EXOC6: variants seen among roughly 807,000 people sequenced by gnomAD.
EXOC6 encodes SEC15-like 1.
In EXOC6, 60 loss-of-function variants were observed where a neutral mutation model predicts 112.5. That is an observed-to-expected ratio of 0.53 (90% CI 0.43 to 0.66). The LOEUF is 0.66. Among genes scored for constraint, EXOC6 ranks in the 30% least tolerant of loss-of-function variants. EXOC6 has a pLI of 0.00. For missense variants in EXOC6, 855 were observed against 957.1 expected (o/e 0.89, Z 1.41); for synonymous variants, 295 against 308.0 (o/e 0.96, Z 0.44).
intron 1 of EXOC6, among the ~76,000 whole-genome samples, chr10:92,888,188 TC>T (rs1488833356): frequency 9.9e-5 from 15 of 152,202 alleles, no homozygotes; most frequent in Non-Finnish European, 4.4e-5. Context: ...TTTACCCCTC[TC>T]AGGCTTTGGT....
At chr10:92,893,181 A>G (rs924799033) in intron 1 of EXOC6, among the ~76,000 whole-genome samples, 168 bp from the exon 2 acceptor site, 1 of 152,102 alleles carries the variant, frequency 6.6e-6, no homozygotes, top group African/African-American at 2.4e-5. Flanking sequence ...TAATATTATC[A>G]TGTTCAAGAA....
chr10:92,958,266 T>C (rs967761988), intron 17 of EXOC6, among the ~76,000 whole-genome samples: 2 of 152,170 alleles, frequency 1.3e-5, no homozygotes, highest in Admixed American at 1.3e-4. Flanking sequence ...AAAATTTGCA[T>C]CAGTATAGAA....
chr10:92,961,279 T>C (rs946027311), intron 17 of EXOC6, among the ~76,000 whole-genome samples: 2 of 152,210 alleles, frequency 1.3e-5, no homozygotes, highest in African/African-American at 4.8e-5. Context: ...GTAAAATTCA[T>C]TTTATTGTGT....
chr10:92,951,803 C>T (rs773695445), intron 14 of EXOC6, among the ~76,000 whole-genome samples: 3 of 152,060 alleles, frequency 2.0e-5, no homozygotes, highest in African/African-American at 4.8e-5. Flanking sequence ...CTAGGAGTTA[C>T]GGAATAAACT....
chr10:92,827,559 G>A (rs909474166), intron 1 of EXOC6, among the ~76,000 whole-genome samples: 1 of 146,588 alleles, frequency 6.8e-6, no homozygotes, highest in Non-Finnish European at 1.5e-5. Context: ...TGTACACCCT[G>A]GGCAGCATTT....
chr10:92,834,940 TC>T (rs1230001972), intron 1 of EXOC6: 2 of 545,794 alleles, frequency 3.7e-6, no homozygotes, highest in African/African-American at 3.8e-5. Flanking sequence ...CAGTTACAGT[TC>T]TGTATATACT....
intron 1 of EXOC6, among the ~76,000 whole-genome samples, chr10:92,856,834 A>G (rs1303049078): frequency 3.3e-5 from 5 of 152,098 alleles, no homozygotes; most frequent in East Asian, 3.8e-4. Flanking sequence ...ATATGTTTAT[A>G]CTTTATATAT....
At chr10:92,880,302 G>A (rs1453952926) in intron 1 of EXOC6, among the ~76,000 whole-genome samples, 1 of 152,110 alleles carries the variant, frequency 6.6e-6, no homozygotes, top group African/African-American at 2.4e-5. Flanking sequence ...GGGAATAATG[G>A]CAAGAACAAA....
At chr10:92,869,246 T>C (rs1848323629) in intron 1 of EXOC6, among the ~76,000 whole-genome samples, 1 of 151,060 alleles carries the variant, frequency 6.6e-6, no homozygotes, top group Non-Finnish European at 1.5e-5. Context: ...TAAGTAATCC[T>C]CCCTCCTTGG....
chr10:92,958,560 G>A (rs190949369), intron 17 of EXOC6, among the ~76,000 whole-genome samples: 6 of 152,278 alleles, frequency 3.9e-5, no homozygotes, highest in Admixed American at 3.9e-4. Flanking sequence ...GTAGTAAATT[G>A]TCTTTAAGGG....
At chr10:92,981,886 G>A (rs1353742864) in intron 18 of EXOC6, among the ~76,000 whole-genome samples, 2 of 152,212 alleles carry the variant, frequency 1.3e-5, no homozygotes, top group Non-Finnish European at 2.9e-5. Context: ...GGGAGGCCGA[G>A]TTGGGCAGAT....
intron 10 of EXOC6, 50 bp from the exon 11 acceptor site, chr10:92,934,260 C>A: frequency 6.5e-7 from 1 of 1,529,068 alleles, no homozygotes; most frequent in East Asian, 2.3e-5. Flanking sequence ...TACTTACTTT[C>A]TATTAGGGTT....
At chr10:92,878,582 A>G (rs575900149) in intron 1 of EXOC6, among the ~76,000 whole-genome samples, 57 of 152,208 alleles carry the variant, frequency 3.7e-4, no homozygotes, top group South Asian at 2.7e-3. Flanking sequence ...CTGGAAGATC[A>G]TACTTTACCA....
At chr10:92,978,494 T>C (rs749900049) in intron 18 of EXOC6, among the ~76,000 whole-genome samples, 11 of 152,080 alleles carry the variant, frequency 7.2e-5, no homozygotes, top group Non-Finnish European at 1.5e-4. Context: ...CAAGCAAAAA[T>C]AATAAATTAT....
At chr10:93,005,817 T>C (rs1843950910) in intron 19 of EXOC6, among the ~76,000 whole-genome samples, 1 of 152,110 alleles carries the variant, frequency 6.6e-6, no homozygotes, top group Non-Finnish European at 1.5e-5. Context: ...TATTGGAGAG[T>C]AGATAAGTTT....
At chr10:92,959,123 GA>G (rs1334692344) in intron 17 of EXOC6, among the ~76,000 whole-genome samples, 4 of 151,952 alleles carry the variant, frequency 2.6e-5, no homozygotes, top group African/African-American at 9.7e-5. Context: ...CTGTAGTAAT[GA>G]ATAAGATGTG....
Position 92,986,839 on chromosome 10 carries a change from A to G in EXOC6, c.1954-10635A>G, listed in dbSNP as rs539436368. On this transcript the variant is annotated intron_variant, in intron 18 of 21. Coordinates refer to ENST00000260762, the MANE Select transcript of EXOC6 (RefSeq NM_019053.6). ...GTTTAATCCTTAATGTTTTTAAGGA[A>G]TAAGCCAGTACCTTATAATTAGTAC... Among the ~76,000 whole-genome samples, 7 of 152,224 alleles carry G rather than the reference A, an allele frequency of 4.6e-5. No individual in the cohort carries two copies. The South Asian group carries it at 1.4e-3, about 32-fold the overall frequency.
intron 17 of EXOC6, among the ~76,000 whole-genome samples, chr10:92,958,862 G>A (rs144874332): frequency 0.03 from 4,593 of 152,224 alleles, 170 homozygotes; most frequent in East Asian, 0.15. Flanking sequence ...TTGGGAGGGC[G>A]AGGTGGGCGG....
chr10:93,033,198 G>T (rs117456004), intron 20 of EXOC6, among the ~76,000 whole-genome samples: 4 of 152,288 alleles, frequency 2.6e-5, no homozygotes, highest in Admixed American at 6.5e-5. Flanking sequence ...GTTTTAAGGA[G>T]AATAGATTTA....
Sources: allele counts gnomAD v4.1 joint callset (sites outside exome capture counted in the v4.1 genomes callset), GRCh38; gene constraint gnomAD v4.1.1; transcripts MANE v1.5; gene names NCBI Gene and HGNC (gene_info 2026-07-23, HGNC 2026-07-21).